The following PCDHGA7 variants were observed in gnomAD, a reference collection of about 807,000 sequenced individuals.
PCDHGA7 encodes the protein protocadherin gamma subfamily A, 7, also known as protocadherin gamma-A7.
Under a neutral mutation model 58.3 loss-of-function variants are expected in PCDHGA7, and 44 were observed. That is an observed-to-expected ratio of 0.75 (90% confidence interval 0.59 to 0.97). The LOEUF is 0.97. Among genes scored for constraint, PCDHGA7 ranks in the 50% least tolerant of loss-of-function variants. The pLI, the probability that PCDHGA7 is intolerant of heterozygous loss-of-function variation, is 0.00. For missense variants in PCDHGA7, 1,266 were observed against 1,188.7 expected (o/e 1.06, Z -0.96); for synonymous variants, 516 against 504.2 (o/e 1.02, Z -0.31).
intron 1 of PCDHGA7, among the ~76,000 whole-genome samples, chr5:141,447,898 C>T (rs531933709): frequency 3.1e-3 from 465 of 152,088 alleles, no homozygotes; most frequent in Non-Finnish European, 5.5e-3. Context: ...CCAGCCTGGC[C>T]AACATGGTGA....
At position 141,486,804 on chromosome 5, in the gene PCDHGA7, C is replaced by G. The variant is rs755001457; in HGVS notation, c.2425-8003C>G. On this transcript the variant is annotated intron_variant, in intron 1 of 3. Transcript: ENST00000518325. This position sits in a 1 kb window ranked among gnomAD's most constrained non-coding sequence, Gnocchi z 5.0. ...CAGGCCCGGGATCGGGGCAACCCAC[C>G]CCTTAGCAGCACTGTAACAGTTCGT... 2 of 1,614,232 alleles carry G rather than the reference C, an allele frequency of 1.2e-6. No homozygotes were observed. The highest frequency in any genetic ancestry group is 3.3e-5 in the Admixed American group (2 of 60,032).
chr5:141,491,956 A>G lies in PCDHGA7; in HGVS notation c.2425-2851A>G, dbSNP rs2099735623. 1.9e-6 allele frequency: 2 copies of G among 1,035,704 alleles called. No homozygotes were observed. Among genetic ancestry groups the G allele is most frequent in the Non-Finnish European group, 2.7e-6 (2 of 749,368 alleles). The allele number at this position is 1,035,704 out of a possible 1,614,324, so 64.2% of individuals were successfully genotyped here. A position where few individuals can be genotyped will look rare whatever the true frequency, so the allele number is the denominator to read the frequency against. On this transcript the variant is annotated intron_variant, in intron 1 of 3. Transcript: ENST00000518325. This position sits in a 1 kb window ranked among gnomAD's most constrained non-coding sequence, Gnocchi z 6.9. Reference sequence around the variant, plus strand: ...GGACCGACCCCCACCCCTACACTCAAAAAAGGCCGGGGCCTCCTTCGAGCT... The same window carrying G: ...GGACCGACCCCCACCCCTACACTCAGAAAAGGCCGGGGCCTCCTTCGAGCT...
chr5:141,480,380 A>C (rs1192159457), intron 1 of PCDHGA7, among the ~76,000 whole-genome samples: 3 of 151,970 alleles, frequency 2.0e-5, no homozygotes, highest in African/African-American at 4.8e-5. Context: ...GCACCACTAC[A>C]CTTCAACCAT....
At position 141,431,321 on chromosome 5, in the gene PCDHGA7, G is replaced by T. The variant is rs112186927; in HGVS notation, c.2424+45998G>T. 1,258 of 1,614,054 alleles carry T rather than the reference G, an allele frequency of 7.8e-4. 11 individuals are homozygous for T. In the African/African-American group the frequency reaches 0.014, roughly 18 times the overall value. Reference sequence around the variant, plus strand: ...CCTCATCGTGCAAAATGGAGCCGACGGTAGTAAGTACCCCGAATTGGTGCT... The same window carrying T: ...CCTCATCGTGCAAAATGGAGCCGACTGTAGTAAGTACCCCGAATTGGTGCT... On this transcript the variant is annotated intron_variant, in intron 1 of 3. Transcript: ENST00000518325. This position sits in a 1 kb window ranked among gnomAD's most constrained non-coding sequence, Gnocchi z 4.8.
At chr5:141,415,740 GTT>G (rs57426385) in intron 1 of PCDHGA7, 13,277 of 614,848 alleles carry the variant, frequency 0.022, 3 homozygotes, top group South Asian at 0.023. Context: ...GTTTATTAAG[GTT>G]TTTTTTTTTT....
chr5:141,504,510 C>T (rs2099838864), intron 2 of PCDHGA7, among the ~76,000 whole-genome samples: 1 of 151,952 alleles, frequency 6.6e-6, no homozygotes, highest in Non-Finnish European at 1.5e-5. Context: ...GAGTGGATCT[C>T]CTCTGATATA....
At chr5:141,467,582 TGCCATTTATTAA>T (rs2099146610) in intron 1 of PCDHGA7, among the ~76,000 whole-genome samples, 2 of 152,216 alleles carry the variant, frequency 1.3e-5, no homozygotes, top group Non-Finnish European at 1.5e-5. Context: ...GTTGTCCCAA[TGCCATTTATTAA>T]GCACTTCATC....
At chr5:141,403,895 T>G in intron 1 of PCDHGA7, 1 of 1,613,884 alleles carries the variant, frequency 6.2e-7, no homozygotes, top group Non-Finnish European at 8.5e-7. Context: ...ATGTTCATTT[T>G]ATGAAATGGA....
chr5:141,428,082 G>A lies in PCDHGA7; in HGVS notation c.2424+42759G>A, dbSNP rs776612130. 2.5e-6 allele frequency: 4 copies of A among 1,609,030 alleles called. No individual in the cohort carries two copies. In the African/African-American group the frequency reaches 5.3e-5, roughly 21 times the overall value. On this transcript the variant is annotated intron_variant, in intron 1 of 3. Transcript: ENST00000518325. ...GGTGGACGCAGATTCGGGACACAACGCTTGGCTGTCCTACCACGTGCTGCA... is the reference window on the plus strand; with the variant it reads ...GGTGGACGCAGATTCGGGACACAACACTTGGCTGTCCTACCACGTGCTGCA...
chr5:141,488,158 G>A (rs534297140), intron 1 of PCDHGA7, among the ~76,000 whole-genome samples: 4 of 152,328 alleles, frequency 2.6e-5, no homozygotes, highest in South Asian at 2.1e-4. Context: ...AGAGAGGCAC[G>A]CATCAGAGTG....
chr5:141,419,481 C>T (rs2096389716), intron 1 of PCDHGA7: 1 of 1,612,422 alleles, frequency 6.2e-7, no homozygotes, highest in East Asian at 2.2e-5. Flanking sequence ...GGCTCGCCCG[C>T]GCTCAGCGCC....
At position 141,414,245 on chromosome 5, in the gene PCDHGA7, T is replaced by G. The variant is rs760119941; in HGVS notation, c.2424+28922T>G. On this transcript the variant is annotated intron_variant, in intron 1 of 3. Transcript: ENST00000518325. ...CCAGAGCTGACCATCACGTCTCTAT[T>G]TAGTCCAGTGACTGAAGATTCACCT... 49 of 1,613,380 alleles carry G rather than the reference T, an allele frequency of 3.0e-5. 1 individual carries two copies. The highest frequency in any genetic ancestry group is 1.3e-4 in the South Asian group (12 of 90,978).
chr5:141,415,915 TGC>T, intron 1 of PCDHGA7: 1 of 724,854 alleles, frequency 1.4e-6, no homozygotes, highest in Non-Finnish European at 1.9e-6. Flanking sequence ...CATACAGAAG[TGC>T]CTGTCAATTT....
rs1778420393 is a variant in PCDHGA7, at chr5:141,382,772, C to G, written c.-128C>G. ...GCGATAAGCCCTCTTCCAGGCTGCA[C>G]TAAACTCAAGCCTCTATCCTGCTGG... On this transcript the variant is annotated 5_prime_UTR_variant, in exon 1 of 4. Transcript: ENST00000518325. 1.3e-6 allele frequency: 1 copy of G among 776,996 alleles called. No individual in the cohort carries two copies. The highest frequency in any genetic ancestry group is 2.0e-6 in the Non-Finnish European group (1 of 490,040). 48.1% of individuals were successfully genotyped at this position (776,996 alleles called of 1,614,324 possible). A position where few individuals can be genotyped will look rare whatever the true frequency, so the allele number is the denominator to read the frequency against.
At chr5:141,467,736 G>T (rs1435480730) in intron 1 of PCDHGA7, among the ~76,000 whole-genome samples, 1 of 151,902 alleles carries the variant, frequency 6.6e-6, no homozygotes, top group Admixed American at 6.6e-5. Context: ...ATCCCAGCTC[G>T]CTGCAACCTC....
Position 141,384,566 on chromosome 5 carries a change from A to G in PCDHGA7, c.1667A>G (p.Asn556Ser), listed in dbSNP as rs1313512011. The G allele has an allele frequency of 6.2e-7, 1 of 1,614,244 alleles. No individual in the cohort carries two copies. Among genetic ancestry groups the G allele is most frequent in the African/African-American group, 1.3e-5 (1 of 75,058 alleles). Reference protein sequence around the residue: ...MSLSLFVLDQNDNPPEILYPA... With the variant: ...MSLSLFVLDQSDNPPEILYPA... ...CTGAGCCTGTTCGTGCTGGACCAGA[A>G]TGACAACCCGCCCGAGATCCTGTAC... The change falls in exon 1 of 4, where the codon AAT becomes AGT. Residue 556 changes from asparagine (N) to serine (S), a missense_variant. Coordinates refer to ENST00000518325, the MANE Select transcript of PCDHGA7 (RefSeq NM_018920.4).
chr5:141,487,323 G>A lies in PCDHGA7; in HGVS notation c.2425-7484G>A, dbSNP rs374901235. Reference sequence around the variant, plus strand: ...GTGGCACTACTCTCTAAGTGTCTTCGTGGGGCAGCCTGTGGAGTCACATGC... The same window carrying A: ...GTGGCACTACTCTCTAAGTGTCTTCATGGGGCAGCCTGTGGAGTCACATGC... On this transcript the variant is annotated intron_variant, in intron 1 of 3. Coordinates refer to ENST00000518325, the MANE Select transcript of PCDHGA7 (RefSeq NM_018920.4). The surrounding 1 kb of genome is among the most constrained non-coding windows in gnomAD (Gnocchi z 5.0). 4.0e-5 allele frequency: 65 copies of A among 1,613,982 alleles called. No homozygotes were observed. Among genetic ancestry groups the A allele is most frequent in the Non-Finnish European group, 4.7e-5 (56 of 1,180,012 alleles).
At chr5:141,455,607 G>A (rs2098827849) in intron 1 of PCDHGA7, among the ~76,000 whole-genome samples, 1 of 152,248 alleles carries the variant, frequency 6.6e-6, no homozygotes, top group East Asian at 1.9e-4. Context: ...GGGCGCCATG[G>A]ATGTTCTAAA....
intron 1 of PCDHGA7, chr5:141,408,066 G>T: frequency 7.3e-7 from 1 of 1,364,656 alleles, no homozygotes; most frequent in Non-Finnish European, 9.7e-7. Flanking sequence ...CGGCTGCGCA[G>T]ACCTTTCCCA....
Sources: gnomAD v4.1 joint callset for allele counts (sites outside exome capture counted in the v4.1 genomes callset) on GRCh38, gnomAD v4.1.1 for gene constraint, Gnocchi (gnomAD v3.1) non-coding constraint, MANE v1.5 for transcripts, NCBI Gene and HGNC (gene_info 2026-07-23, HGNC 2026-07-21) for gene names.